LINC00632: variants seen among roughly 807,000 people sequenced by gnomAD.
LINC00632 encodes the protein long independently transcribed non-coding RNA 632, also known as ALDOA related specific transcript.
chrX:140,771,512 T>G (rs1347909806), intron 3 of LINC00632, among the ~76,000 whole-genome samples: 2 of 106,005 alleles, frequency 1.9e-5, no homozygotes, highest in African/African-American at 3.5e-5. Context: ...TCACAAATGT[T>G]GATTATGTGT....
intron 2 of LINC00632, among the ~76,000 whole-genome samples, chrX:140,712,585 G>T (rs1226276664): frequency 9.1e-6 from 1 of 110,020 alleles, no homozygotes; most frequent in Non-Finnish European, 1.9e-5. Context: ...ATTTAAAGGA[G>T]CTAGGGTGAG....
At chrX:140,724,656 A>G (rs111213650) in intron 2 of LINC00632, among the ~76,000 whole-genome samples, 2,922 of 83,096 alleles carry the variant, frequency 0.035, 91 homozygotes, top group African/African-American at 0.12. Flanking sequence ...ACACACAGAG[A>G]CACGTTCCAT....
Position 140,772,185 on chromosome X carries a change from C to A in LINC00632, n.299C>A, listed in dbSNP as rs570090877. 5 of 294,145 alleles carry A rather than the reference C, an allele frequency of 1.7e-5. No homozygotes were observed. In the South Asian group the frequency reaches 1.1e-3, roughly 63 times the overall value. 24.2% of individuals were successfully genotyped at this position (294,145 alleles called of 1,213,427 possible). On this transcript the variant is annotated non_coding_transcript_exon_variant, in exon 4 of 5. Transcript: ENST00000648200. ...ATACAAAATTTGAGTTTCCCTAAGT[C>A]CGCGCCTTTGAGAGCTTTGGAACGA...
rs188524871 is a variant in LINC00632, at chrX:140,785,073, C to A, written n.13092C>A. The stretch of plus-strand genomic sequence containing the variant: ...AAATTTTTATTTAATGAGAAAAATT[C>A]CTGTTTAAGACTGGTATTTTAGGTA... On this transcript the variant is annotated non_coding_transcript_exon_variant, in exon 5 of 5. Transcript: ENST00000648200. Among the ~76,000 whole-genome samples, 553 of 110,010 alleles carry A rather than the reference C, an allele frequency of 5.0e-3. 2 individuals are homozygous for A. Among genetic ancestry groups the A allele is most frequent in the African/African-American group, 0.018 (534 of 30,308 alleles).
intron 2 of LINC00632, among the ~76,000 whole-genome samples, chrX:140,721,009 C>T (rs771905980): frequency 9.0e-6 from 1 of 111,107 alleles, no homozygotes; most frequent in East Asian, 2.8e-4. Context: ...CCCCACCTAA[C>T]CCTAATTGCC....
intron 3 of LINC00632, among the ~76,000 whole-genome samples, chrX:140,736,436 C>CTTTTTTTTTTTTTTTT (rs748293491): frequency 4.2e-4 from 21 of 50,050 alleles, no homozygotes; most frequent in African/African-American, 1.2e-3. Context: ...TCTTCTTCTT[C>CTTTTTTTTTTTTTTTT]TTTTTTTTTT....
At position 140,756,100 on chromosome X, in the gene LINC00632, G is replaced by A. The variant is rs192338034; in HGVS notation, n.192-15978G>A. On this transcript the variant is annotated intron_variant and non_coding_transcript_variant, in intron 3 of 4. Coordinates refer to ENST00000648200, the Ensembl canonical transcript of LINC00632. The stretch of plus-strand genomic sequence containing the variant: ...AAGTAACTAGGGCCTAACTTTTTTA[G>A]AACAGCTGTAAGGGGATAGTACTAT... 3.4e-3 allele frequency among the ~76,000 whole-genome samples: 373 copies of A among 110,845 alleles called. 1 individual carries two copies. Among genetic ancestry groups the A allele is most frequent in the Non-Finnish European group, 5.6e-3 (299 of 52,976 alleles).
chrX:140,739,305 C>T (rs1465432992), intron 3 of LINC00632, among the ~76,000 whole-genome samples: 2 of 110,338 alleles, frequency 1.8e-5, no homozygotes, highest in South Asian at 3.9e-4. Flanking sequence ...CAGCAACTTC[C>T]GCCTCCCGGG....
chrX:140,776,292 C>T (rs997761274), exon 5 of LINC00632, among the ~76,000 whole-genome samples: 25 of 112,766 alleles, frequency 2.2e-4, no homozygotes, highest in African/African-American at 7.7e-4. Context: ...AAGGCAGCCA[C>T]CCCCTCGCCC....
chrX:140,753,590 C>A (rs191803825), intron 3 of LINC00632, among the ~76,000 whole-genome samples: 43 of 109,577 alleles, frequency 3.9e-4, no homozygotes, highest in African/African-American at 1.4e-3. Flanking sequence ...ATAAAATATC[C>A]CGTTATTTTT....
At chrX:140,765,998 C>A (rs966746088) in intron 3 of LINC00632, among the ~76,000 whole-genome samples, 2 of 111,917 alleles carry the variant, frequency 1.8e-5, no homozygotes, top group African/African-American at 6.5e-5. Flanking sequence ...TTGACCAGCT[C>A]TTCAAAAGGA....
At chrX:140,787,503 G>A (rs752507942) in exon 5 of LINC00632, among the ~76,000 whole-genome samples, 38 of 111,685 alleles carry the variant, frequency 3.4e-4, no homozygotes, top group Non-Finnish European at 7.0e-4. Flanking sequence ...AACACAAACT[G>A]TGTCATTCTA....
intron 2 of LINC00632, among the ~76,000 whole-genome samples, chrX:140,718,518 T>C (rs1930676154): frequency 9.3e-6 from 1 of 107,924 alleles, no homozygotes; most frequent in African/African-American, 3.4e-5. Context: ...GTTCAAGCAA[T>C]TCTCCTGCCT....
intron 3 of LINC00632, among the ~76,000 whole-genome samples, chrX:140,740,435 C>A (rs1245849588): frequency 1.8e-5 from 2 of 111,055 alleles, no homozygotes; most frequent in African/African-American, 6.6e-5. Context: ...TACATTATCT[C>A]AAGAATCAAT....
At chrX:140,784,651 A>G (rs188837148) in exon 5 of LINC00632, 3 of 389,680 alleles carry the variant, frequency 7.7e-6, no homozygotes, top group East Asian at 4.3e-5. Context: ...CAGTGTCTGC[A>G]ATATCCAGGT....
intron 3 of LINC00632, among the ~76,000 whole-genome samples, chrX:140,769,616 C>A (rs1931756156): frequency 9.0e-6 from 1 of 111,324 alleles, no homozygotes; most frequent in Non-Finnish European, 1.9e-5. Flanking sequence ...ATCAAGACAG[C>A]TAAACAACTC....
chrX:140,752,414 T>G (rs1212045611), intron 3 of LINC00632, among the ~76,000 whole-genome samples: 1 of 111,816 alleles, frequency 8.9e-6, no homozygotes, highest in African/African-American at 3.2e-5. Context: ...TGCTTATATC[T>G]TCACAATGTG....
At chrX:140,780,136 A>T (rs1257539365) in exon 5 of LINC00632, among the ~76,000 whole-genome samples, 2 of 112,231 alleles carry the variant, frequency 1.8e-5, no homozygotes, top group African/African-American at 6.5e-5. Flanking sequence ...TTGCTATAAG[A>T]TTATATGAAA....
chrX:140,723,445 A>ATT (rs1209544596), intron 2 of LINC00632, among the ~76,000 whole-genome samples: 4 of 35,710 alleles, frequency 1.1e-4, no homozygotes, highest in African/African-American at 5.0e-4. Flanking sequence ...ATACATACAC[A>ATT]CACATTCCAC....
Sources: gnomAD v4.1 joint callset for allele counts (sites outside exome capture counted in the v4.1 genomes callset) on GRCh38, gnomAD v4.1.1 for gene constraint, MANE v1.5 for transcripts, NCBI Gene and HGNC (gene_info 2026-07-23, HGNC 2026-07-21) for gene names.